The following FOXP1 variants were observed in gnomAD, a reference collection of about 807,000 sequenced individuals.
The protein encoded by FOXP1 is forkhead box protein P1.
Under a neutral mutation model 98.2 loss-of-function variants are expected in FOXP1, and 15 were observed. The ratio of observed to expected loss-of-function variants is 0.15; its 90% CI spans 0.10 to 0.24. The LOEUF is 0.24. Ranked by LOEUF, FOXP1 falls within the 10% of genes least tolerant of loss-of-function variation. FOXP1 has a pLI of 1.00. For missense variants in FOXP1, 633 were observed against 848.5 expected (o/e 0.75, Z 3.15); for synonymous variants, 371 against 314.5 (o/e 1.18, Z -1.90).
At chr3:71,243,677 A>G (rs888973798) in intron 5 of FOXP1, among the ~76,000 whole-genome samples, 2 of 152,242 alleles carry the variant, frequency 1.3e-5, no homozygotes, top group Non-Finnish European at 2.9e-5. Context: ...AAGAAAATAC[A>G]TCGTTGCCAA....
At chr3:71,410,713 T>G (rs950487162) in intron 3 of FOXP1, among the ~76,000 whole-genome samples, 9 of 152,220 alleles carry the variant, frequency 5.9e-5, no homozygotes, top group Admixed American at 6.5e-5. Context: ...GAGGGATGTA[T>G]CATGGAAGAA....
At chr3:71,233,927 C>T (rs929707731) in intron 5 of FOXP1, among the ~76,000 whole-genome samples, 4 of 152,192 alleles carry the variant, frequency 2.6e-5, no homozygotes, top group South Asian at 2.1e-4. Context: ...GCTCTTTCTT[C>T]GAGGGTTTGT....
chr3:71,125,594 T>C (rs949033859), intron 6 of FOXP1, among the ~76,000 whole-genome samples: 3 of 152,198 alleles, frequency 2.0e-5, no homozygotes, highest in African/African-American at 7.2e-5. Context: ...AAAAAAACTT[T>C]GGTCATCTGA....
Position 71,519,578 on chromosome 3 carries a change from T to C in FOXP1, c.-297-26023A>G, listed in dbSNP as rs138142045. On this transcript the variant is annotated intron_variant, in intron 2 of 20. Coordinates refer to ENST00000649528, the MANE Select transcript of FOXP1 (RefSeq NM_001349338.3). ...CACTTTCCTGGGCATTGTCTTCCCA[T>C]CACTTCTCTGGTTCCACGCAACAGA... Among the ~76,000 whole-genome samples the C allele has an allele frequency of 7.5e-4, 114 of 152,320 alleles. No individual in the cohort carries two copies. In the East Asian group the frequency reaches 0.021, roughly 29 times the overall value.
chr3:71,294,887 C>T (rs1269126715), intron 5 of FOXP1, among the ~76,000 whole-genome samples: 1 of 152,128 alleles, frequency 6.6e-6, no homozygotes, highest in Non-Finnish European at 1.5e-5. Flanking sequence ...CATAGTGCGG[C>T]AACAACATAG....
intron 2 of FOXP1, among the ~76,000 whole-genome samples, chr3:71,575,363 C>G (rs2047646148): frequency 6.6e-6 from 1 of 152,092 alleles, no homozygotes; most frequent in South Asian, 2.1e-4. Context: ...TCAGAATTAT[C>G]AAGGGAAGTT....
chr3:71,226,766 G>T (rs1322772349), intron 5 of FOXP1, among the ~76,000 whole-genome samples: 1 of 151,662 alleles, frequency 6.6e-6, no homozygotes, highest in African/African-American at 2.4e-5. Flanking sequence ...ATCCTGTCTC[G>T]CTGAGTCTCT....
intron 14 of FOXP1, among the ~76,000 whole-genome samples, chr3:70,986,833 G>C (rs1429339580): frequency 6.6e-6 from 1 of 152,154 alleles, no homozygotes; most frequent in Admixed American, 6.5e-5. Context: ...CTTTATCTCA[G>C]TAATGTGTTC....
At chr3:71,556,779 A>T (rs2046174933) in intron 2 of FOXP1, among the ~76,000 whole-genome samples, 1 of 152,040 alleles carries the variant, frequency 6.6e-6, no homozygotes, top group Non-Finnish European at 1.5e-5. Flanking sequence ...GACCTAGTAA[A>T]TTCACTTACA....
chr3:71,583,049 C>T (rs2048314962), intron 1 of FOXP1, among the ~76,000 whole-genome samples: 1 of 151,750 alleles, frequency 6.6e-6, no homozygotes, highest in African/African-American at 2.4e-5. Flanking sequence ...CCCCCTCCCG[C>T]CGCGGCCAGG....
intron 2 of FOXP1, among the ~76,000 whole-genome samples, chr3:71,560,650 A>C (rs570670394): frequency 1.1e-3 from 172 of 152,364 alleles, no homozygotes; most frequent in Non-Finnish European, 2.2e-3. Context: ...AGTGGAAATA[A>C]GCCAAGTGTC....
At chr3:71,429,784 T>C (rs1233682589) in intron 3 of FOXP1, among the ~76,000 whole-genome samples, 1 of 152,182 alleles carries the variant, frequency 6.6e-6, no homozygotes, top group East Asian at 1.9e-4. Context: ...GACAGCTAAA[T>C]CACCCCACGG....
intron 3 of FOXP1, among the ~76,000 whole-genome samples, chr3:71,490,540 G>A (rs2090991010): frequency 6.6e-6 from 1 of 151,742 alleles, no homozygotes; most frequent in African/African-American, 2.4e-5. Flanking sequence ...CAGAACATAT[G>A]GTCCAGCTCA....
rs550031410 is a variant in FOXP1 at position 71,350,153 on chromosome 3, A to G, written c.-73+8997T>C. Among the ~76,000 whole-genome samples, 10 of 152,326 alleles carry G rather than the reference A, an allele frequency of 6.6e-5. No individual in the cohort carries two copies. The East Asian group carries it at 7.7e-4, about 12-fold the overall frequency. On this transcript the variant is annotated intron_variant, in intron 4 of 20. Transcript: ENST00000649528. ...TCAGGATATTATTCCCACCACTTAC[A>G]TTCTTTATGTGACCTAAAAGACATA...
chr3:71,326,318 A>C (rs1271804816), intron 4 of FOXP1, among the ~76,000 whole-genome samples: 1 of 152,198 alleles, frequency 6.6e-6, no homozygotes, highest in Non-Finnish European at 1.5e-5. Flanking sequence ...GTACATACCC[A>C]ATGGGGACTC....
At chr3:71,213,232 C>G (rs1405469733) in intron 5 of FOXP1, among the ~76,000 whole-genome samples, 1 of 152,194 alleles carries the variant, frequency 6.6e-6, no homozygotes, top group East Asian at 1.9e-4. Flanking sequence ...CATTCATCAT[C>G]TGTAATTCCT....
At chr3:71,236,866 C>T (rs1461710812) in intron 5 of FOXP1, among the ~76,000 whole-genome samples, 2 of 149,902 alleles carry the variant, frequency 1.3e-5, no homozygotes, top group African/African-American at 4.9e-5. Context: ...CAGCGAGATC[C>T]TGTCTTAAGG....
At chr3:71,553,630 C>T (rs990012805) in intron 2 of FOXP1, among the ~76,000 whole-genome samples, 2 of 152,162 alleles carry the variant, frequency 1.3e-5, no homozygotes, top group Non-Finnish European at 2.9e-5. Flanking sequence ...AAATTGTGTA[C>T]ATATGTATGT....
chr3:71,194,739 TACTC>T (rs1344327457), intron 6 of FOXP1, among the ~76,000 whole-genome samples: 1 of 152,234 alleles, frequency 6.6e-6, no homozygotes, highest in Non-Finnish European at 1.5e-5. Flanking sequence ...GGTAAAGAAT[TACTC>T]AACAGATAAA....
Sources: allele counts gnomAD v4.1 joint callset (sites outside exome capture counted in the v4.1 genomes callset), GRCh38; gene constraint gnomAD v4.1.1; transcripts MANE v1.5; gene names NCBI Gene and HGNC (gene_info 2026-07-23, HGNC 2026-07-21).